MAST4: variants seen among roughly 807,000 people sequenced by gnomAD.
MAST4 encodes the protein microtubule associated serine/threonine kinase family member 4, also known as microtubule-associated serine/threonine-protein kinase 4.
Under a neutral mutation model 162.7 loss-of-function variants are expected in MAST4, and 89 were observed. The observed-to-expected ratio is 0.55, with a 90% CI of 0.46 to 0.65. The LOEUF (loss-of-function observed/expected upper bound fraction) is 0.65, where lower values mean the gene tolerates loss of function less well. Ranked by LOEUF, MAST4 falls within the 30% of genes least tolerant of loss-of-function variation. The pLI is 0.00. For synonymous variants in MAST4, 1,479 were observed against 1,361.1 expected (o/e 1.09, Z -1.91); for missense variants, 3,153 against 3,374.0 (o/e 0.93, Z 1.62).
intron 3 of MAST4, among the ~76,000 whole-genome samples, chr5:66,807,840 T>C (rs1402857847): frequency 6.6e-6 from 1 of 152,196 alleles, no homozygotes; most frequent in Non-Finnish European, 1.5e-5. Context: ...GTCTTCCACT[T>C]CCACTCCCAT....
intron 2 of MAST4, among the ~76,000 whole-genome samples, chr5:66,760,227 TGCCTCA>T (rs35169921): frequency 0.15 from 22,506 of 151,476 alleles, 1,967 homozygotes; most frequent in East Asian, 0.45. Context: ...GCGATTCTCC[TGCCTCA>T]GCCTCCTGAG....
intron 1 of MAST4, among the ~76,000 whole-genome samples, chr5:66,637,048 C>T (rs913594471): frequency 6.6e-6 from 1 of 152,150 alleles, no homozygotes; most frequent in Non-Finnish European, 1.5e-5. Context: ...CTAGACTTCA[C>T]GTACATGCAT....
chr5:66,766,094 C>T (rs1205378648), intron 2 of MAST4, among the ~76,000 whole-genome samples: 1 of 152,102 alleles, frequency 6.6e-6, no homozygotes, highest in African/African-American at 2.4e-5. Context: ...TAATATGCCT[C>T]ACAGCTCACA....
chr5:66,714,156 A>G (rs4282272), intron 1 of MAST4, among the ~76,000 whole-genome samples: 40,272 of 152,110 alleles, frequency 0.26, 5,948 homozygotes, highest in East Asian at 0.55. Flanking sequence ...CTGGCTACAC[A>G]GATGACTCAC....
intron 3 of MAST4, among the ~76,000 whole-genome samples, chr5:66,857,512 A>G (rs867285140): frequency 6.6e-6 from 1 of 152,220 alleles, no homozygotes. Flanking sequence ...ATCATTGTAC[A>G]CTTCTACCAG....
At chr5:66,837,894 A>ATATATATTTTTTT (rs1554057455) in intron 3 of MAST4, among the ~76,000 whole-genome samples, 5 of 53,708 alleles carry the variant, frequency 9.3e-5, no homozygotes, top group African/African-American at 3.1e-4. Context: ...ATATATATAT[A>ATATATATTTTTTT]TTTTTTTTTT....
intron 1 of MAST4, among the ~76,000 whole-genome samples, chr5:66,718,995 A>G (rs1002234299): frequency 1.8e-4 from 27 of 152,372 alleles, no homozygotes; most frequent in African/African-American, 5.8e-4. Flanking sequence ...GTTATACACT[A>G]GCATTACCTA....
chr5:67,014,080 C>G (rs1469068770), intron 4 of MAST4, among the ~76,000 whole-genome samples: 2 of 151,872 alleles, frequency 1.3e-5, no homozygotes, highest in Admixed American at 1.3e-4. Context: ...ACTGGAGCTA[C>G]TGAAGCTATG....
rs189728136 is a variant in MAST4, at chr5:66,628,895, A to G, written c.363+31877A>G. ...ATAGGAAATGTTGAATAGTGAACAT[A>G]CAGTGTCCTCAGCAATGTCCCTGCA... is the stretch of plus-strand genomic sequence containing the variant. On this transcript the variant is annotated intron_variant, in intron 1 of 28. Coordinates refer to ENST00000403625, the MANE Select transcript of MAST4 (RefSeq NM_001164664.2). Among the ~76,000 whole-genome samples the G allele has an allele frequency of 3.2e-4, 48 of 152,306 alleles. 1 individual carries two copies. Among genetic ancestry groups the G allele is most frequent in the African/African-American group, 1.0e-3 (42 of 41,572 alleles).
chr5:67,141,753 T>G (rs1357647244), intron 19 of MAST4, among the ~76,000 whole-genome samples: 4 of 152,208 alleles, frequency 2.6e-5, no homozygotes, highest in Non-Finnish European at 5.9e-5. Flanking sequence ...TTGTTAGAAT[T>G]TCTCTGGGTT....
At chr5:66,606,908 GTA>G (rs1561208617) in intron 1 of MAST4, among the ~76,000 whole-genome samples, 2 of 151,894 alleles carry the variant, frequency 1.3e-5, no homozygotes, top group African/African-American at 4.8e-5. Context: ...TATTAAATGA[GTA>G]TATGAATTTA....
intron 4 of MAST4, among the ~76,000 whole-genome samples, chr5:66,924,331 T>C (rs1426079596): frequency 2.6e-5 from 4 of 152,028 alleles, no homozygotes; most frequent in Non-Finnish European, 5.9e-5. Context: ...TTGTGGTCTA[T>C]CTTTTGAGTA....
rs746603303 is a variant in MAST4 at position 67,163,254 on chromosome 5, G to T, written c.4075G>T (p.Gly1359Cys). The T allele has an allele frequency of 6.2e-7, 1 of 1,613,474 alleles. No individual in the cohort carries two copies. The highest frequency in any genetic ancestry group is 8.5e-7 in the Non-Finnish European group (1 of 1,179,876). The change falls in exon 29 of 29, where the codon GGC becomes TGC. Residue 1359 changes from glycine (G) to cysteine (C), a missense_variant. Gly to Cys is a radical substitution (Grantham distance 159). Coordinates refer to ENST00000403625, the MANE Select transcript of MAST4 (RefSeq NM_001164664.2). The surrounding 1 kb of genome is among the most constrained non-coding windows in gnomAD (Gnocchi z 7.0). ...STLHGLAPKLGGQRYRSGRRK... is the reference protein window; with the variant it reads ...STLHGLAPKLCGQRYRSGRRK... ...TCTCCACGGTCTTGCACCCAAACTCGGCGGGCAGCGGTACCGGTCCGGAAG... is the reference window on the plus strand; with the variant it reads ...TCTCCACGGTCTTGCACCCAAACTCTGCGGGCAGCGGTACCGGTCCGGAAG...
chr5:66,641,917 T>A (rs1745512395), intron 1 of MAST4, among the ~76,000 whole-genome samples: 1 of 152,218 alleles, frequency 6.6e-6, no homozygotes, highest in African/African-American at 2.4e-5. Flanking sequence ...AATCTGCCTT[T>A]CCAGTCGGAA....
chr5:67,079,119 G>T (rs1447830718), intron 5 of MAST4, among the ~76,000 whole-genome samples: 1 of 149,986 alleles, frequency 6.7e-6, no homozygotes, highest in Non-Finnish European at 1.5e-5. Context: ...GTACTCAACT[G>T]TACCCAAAGT....
At chr5:67,102,379 A>G (rs1247307550) in intron 8 of MAST4, 157 bp from the exon 9 acceptor site, 7 of 711,494 alleles carry the variant, frequency 9.8e-6, no homozygotes, top group Non-Finnish European at 1.8e-5. Flanking sequence ...GTATGTGTGC[A>G]TGTGTACTAA....
Position 67,130,336 on chromosome 5 carries a change from TG to T in MAST4, c.1873del (p.Ala625GlnfsTer34). The T allele has an allele frequency of 6.2e-7, 1 of 1,614,018 alleles. No individual in the cohort carries two copies. Among genetic ancestry groups the T allele is most frequent in the South Asian group, 1.1e-5 (1 of 91,088 alleles). ...AFVERDILTF[A>X]ENPFVVSMYC... ...TTGTGGAGCGGGATATCCTGACTTT[TG>T]CAGAAAACCCCTTTGTTGTCAGCAT... On this transcript the variant is annotated frameshift_variant, in exon 15 of 29. Coordinates refer to ENST00000403625, the MANE Select transcript of MAST4 (RefSeq NM_001164664.2). LOFTEE classifies it high-confidence loss of function.
chr5:66,937,702 A>G (rs1337842036), intron 4 of MAST4, among the ~76,000 whole-genome samples: 2 of 152,078 alleles, frequency 1.3e-5, no homozygotes, highest in Non-Finnish European at 2.9e-5. Flanking sequence ...AGTTAGAATC[A>G]TGGTTGAGGT....
intron 4 of MAST4, among the ~76,000 whole-genome samples, chr5:67,050,696 G>C (rs1037971793): frequency 2.0e-5 from 3 of 152,176 alleles, no homozygotes; most frequent in African/African-American, 4.8e-5. Context: ...TTATATGACT[G>C]TCTTCTCAGC....
Sources: allele counts gnomAD v4.1 joint callset (sites outside exome capture counted in the v4.1 genomes callset), GRCh38; gene constraint gnomAD v4.1.1; non-coding constraint Gnocchi (gnomAD v3.1); transcripts MANE v1.5; gene names NCBI Gene and HGNC (gene_info 2026-07-23, HGNC 2026-07-21).